The following RIC1 variants were observed in gnomAD, a reference collection of about 807,000 sequenced individuals.
RIC1 encodes the protein RIC1 partner of RAB6A GEF complex.
RIC1 carries 88 observed loss-of-function variants against 169.0 expected under a neutral mutation model. The ratio of observed to expected loss-of-function variants is 0.52; its 90% CI spans 0.44 to 0.62. The LOEUF is 0.62. RIC1 is among the 20% of genes least tolerant of loss of function. The probability of loss-of-function intolerance (pLI) is 0.00; values close to 1 mark genes in which losing one functional copy is unlikely to be tolerated. For missense variants in RIC1, 1,877 were observed against 1,725.5 expected (o/e 1.09, Z -1.56); for synonymous variants, 790 against 601.5 (o/e 1.31, Z -4.59).
Position 5,765,516 on chromosome 9 carries a change from C to T in RIC1, c.2944C>T (p.Leu982Phe), listed in dbSNP as rs1563719854. ...WDLCRHMIRF[L>F]KAIGSGESET... ...CCTTTGTCGACACATGATTCGATTT[C>T]TTAAAGCCATTGGCTCTGGAGAATC... Residue 982 changes from leucine to phenylalanine, a missense_variant, in exon 20 of 26, where the codon CTT becomes TTT. Coordinates refer to ENST00000414202, the MANE Select transcript of RIC1 (RefSeq NM_020829.4). 1.2e-6 allele frequency: 2 copies of T among 1,614,184 alleles called. No homozygotes were observed. The highest frequency in any genetic ancestry group is 1.7e-5 in the Admixed American group (1 of 60,028).
intron 14 of RIC1, 78 bp from the exon 15 acceptor site, chr9:5,754,763 A>G: frequency 2.3e-6 from 2 of 854,916 alleles, no homozygotes; most frequent in South Asian, 2.1e-5. Context: ...TGTCTGGGTA[A>G]GAATTTTTAT....
chr9:5,718,766 CTG>C (rs1303650946), intron 4 of RIC1, among the ~76,000 whole-genome samples: 1 of 152,042 alleles, frequency 6.6e-6, no homozygotes, highest in Non-Finnish European at 1.5e-5. Context: ...TGTCTAAAAA[CTG>C]GGAATTTTAA....
At chr9:5,715,908 C>A (rs1223125541) in intron 4 of RIC1, among the ~76,000 whole-genome samples, 1 of 151,702 alleles carries the variant, frequency 6.6e-6, no homozygotes, top group Admixed American at 6.6e-5. Flanking sequence ...ATTGCAGCGG[C>A]ATGATCACAG....
At chr9:5,659,579 G>A (rs915113776) in intron 2 of RIC1, among the ~76,000 whole-genome samples, 8 of 152,094 alleles carry the variant, frequency 5.3e-5, no homozygotes, top group African/African-American at 1.2e-4. Context: ...TGGGAATTTG[G>A]TAGAGACTGC....
intron 2 of RIC1, among the ~76,000 whole-genome samples, chr9:5,680,815 A>ATTTTTTTTTTTTTTTT (rs66478510): frequency 5.2e-5 from 3 of 57,734 alleles, no homozygotes; most frequent in African/African-American, 1.7e-4. Context: ...GCAGTCATTG[A>ATTTTTTTTTTTTTTTT]TTTTTTTTTT....
chr9:5,641,482 G>A (rs1449906029), intron 1 of RIC1, among the ~76,000 whole-genome samples: 2 of 152,122 alleles, frequency 1.3e-5, no homozygotes, highest in Non-Finnish European at 2.9e-5. Flanking sequence ...GGTTTGGGAA[G>A]TTCTCTCTTA....
chr9:5,762,794 G>T, intron 18 of RIC1, 134 bp downstream of exon 18: 1 of 1,143,440 alleles, frequency 8.7e-7, no homozygotes, highest in East Asian at 2.6e-5. Context: ...TCAGTCTTAA[G>T]CCTCTGGGTG....
chr9:5,738,665 G>T, intron 8 of RIC1, 127 bp downstream of exon 8: 2 of 488,088 alleles, frequency 4.1e-6, no homozygotes, highest in Non-Finnish European at 6.9e-6. Flanking sequence ...GGCTCTGGGT[G>T]TGTAAACTGG....
At chr9:5,650,660 C>G (rs1818755027) in intron 1 of RIC1, among the ~76,000 whole-genome samples, 2 of 151,996 alleles carry the variant, frequency 1.3e-5, no homozygotes, top group African/African-American at 4.8e-5. Context: ...GTGCTGCAGT[C>G]TTGCTGTTAG....
chr9:5,727,277 C>A (rs534513744), intron 6 of RIC1, among the ~76,000 whole-genome samples: 1 of 152,090 alleles, frequency 6.6e-6, no homozygotes. Flanking sequence ...TTTCTCTAAA[C>A]TTCTCTTCTC....
intron 2 of RIC1, among the ~76,000 whole-genome samples, chr9:5,670,291 C>T (rs868043773): frequency 1.3e-5 from 2 of 152,160 alleles, no homozygotes; most frequent in Admixed American, 6.5e-5. Flanking sequence ...CTCCAGCAGG[C>T]GTCTGCCTGA....
At chr9:5,769,309 T>C in intron 22 of RIC1, 53 bp downstream of exon 22, 1 of 1,614,032 alleles carries the variant, frequency 6.2e-7, no homozygotes, top group Non-Finnish European at 8.5e-7. Flanking sequence ...TTACTCCGTG[T>C]ATTTACACAT....
chr9:5,721,452 GCACA>G (rs548504593), intron 6 of RIC1, among the ~76,000 whole-genome samples: 2 of 152,242 alleles, frequency 1.3e-5, no homozygotes, highest in South Asian at 2.1e-4. Flanking sequence ...ACACGCGCGT[GCACA>G]CACACACGCT....
At chr9:5,771,968 C>T (rs755907561) in intron 23 of RIC1, among the ~76,000 whole-genome samples, 8 of 152,030 alleles carry the variant, frequency 5.3e-5, no homozygotes, top group African/African-American at 1.9e-4. Context: ...GACCAAAATA[C>T]CATTATCATC....
chr9:5,685,872 A>G (rs1022537337), intron 2 of RIC1, among the ~76,000 whole-genome samples: 10 of 139,814 alleles, frequency 7.2e-5, no homozygotes, highest in Non-Finnish European at 1.6e-4. Flanking sequence ...TTTGCAACCT[A>G]CTCATCTGAC....
intron 1 of RIC1, among the ~76,000 whole-genome samples, chr9:5,649,005 G>A (rs567341300): frequency 1.6e-4 from 25 of 152,042 alleles, no homozygotes; most frequent in Non-Finnish European, 3.2e-4. Flanking sequence ...CACAAAACAA[G>A]TCTCAAAACA....
At position 5,754,853 on chromosome 9, in the gene RIC1, A is replaced by G; in HGVS notation, c.1615A>G (p.Ile539Val). The G allele has an allele frequency of 6.4e-7, 1 of 1,567,888 alleles. No homozygotes were observed. The highest frequency in any genetic ancestry group is 1.3e-5 in the African/African-American group (1 of 74,602). Residue 539 changes from isoleucine (I) to valine (V), a missense_variant, in exon 15 of 26, where the codon ATC becomes GTC. Ile to Val is a conservative substitution (Grantham distance 29, BLOSUM62 3). Transcript: ENST00000414202. ...TTTTTATTTTAAGGAGCAAAATATG[A>G]TCGTGACAGGTGGCTTAGCCTGGTG... ...FGNITQEQNM[I>V]VTGGLAWWND...
At chr9:5,743,645 G>T in intron 9 of RIC1, 44 bp from the exon 10 acceptor site, 1 of 1,451,086 alleles carries the variant, frequency 6.9e-7, no homozygotes, top group South Asian at 1.2e-5. Context: ...TGTATTATAT[G>T]TAATTGGAAG....
intron 2 of RIC1, among the ~76,000 whole-genome samples, chr9:5,661,339 T>A (rs1819436221): frequency 6.6e-6 from 1 of 152,252 alleles, no homozygotes; most frequent in Non-Finnish European, 1.5e-5. Context: ...TCCATATGAA[T>A]TTTAAAATAG....
Sources: gnomAD v4.1 joint callset for allele counts (sites outside exome capture counted in the v4.1 genomes callset) on GRCh38, gnomAD v4.1.1 for gene constraint, MANE v1.5 for transcripts, NCBI Gene and HGNC (gene_info 2026-07-23, HGNC 2026-07-21) for gene names.